The following SLC46A3 variants were observed in gnomAD, a reference collection of about 807,000 sequenced individuals.
The protein encoded by SLC46A3 is solute carrier family 46 member 3, also known as lysosomal proton-coupled steroid conjugate and bile acid symporter SLC46A3.
In SLC46A3, 26 loss-of-function variants were observed where a neutral mutation model predicts 38.5. The ratio of observed to expected loss-of-function variants is 0.68; its 90% CI spans 0.49 to 0.94. SLC46A3 has a LOEUF of 0.94. Ranked by LOEUF, SLC46A3 falls within the 40% of genes least tolerant of loss-of-function variation. The pLI, the probability that SLC46A3 is intolerant of heterozygous loss-of-function variation, is 0.00. For missense variants in SLC46A3, 510 were observed against 544.3 expected (o/e 0.94, Z 0.63); for synonymous variants, 185 against 192.5 (o/e 0.96, Z 0.32).
At chr13:28,708,095 T>A (rs1885228516) in intron 4 of SLC46A3, among the ~76,000 whole-genome samples, 1 of 152,236 alleles carries the variant, frequency 6.6e-6, no homozygotes, top group Non-Finnish European at 1.5e-5. Flanking sequence ...TCATGAACAT[T>A]TGCATAGGTT....
intron 5 of SLC46A3, among the ~76,000 whole-genome samples, chr13:28,702,241 T>G (rs754534544): frequency 2.0e-5 from 3 of 152,086 alleles, no homozygotes; most frequent in Non-Finnish European, 4.4e-5. Context: ...TGCCTCAACC[T>G]CCCAAAGTGC....
intron 5 of SLC46A3, 71 bp from the exon 6 acceptor site, chr13:28,701,652 C>CT: frequency 2.1e-6 from 3 of 1,435,746 alleles, no homozygotes; most frequent in Non-Finnish European, 1.9e-6. Flanking sequence ...TGTTTTCCAA[C>CT]TTTTTTTCCC....
intron 4 of SLC46A3, among the ~76,000 whole-genome samples, chr13:28,710,533 CG>C (rs1885312358): frequency 6.6e-6 from 1 of 152,184 alleles, no homozygotes; most frequent in African/African-American, 2.4e-5. Context: ...CTTCTTAGGG[CG>C]GGGCACGGCC....
At chr13:28,708,815 T>C (rs1885256311) in intron 4 of SLC46A3, among the ~76,000 whole-genome samples, 1 of 152,218 alleles carries the variant, frequency 6.6e-6, no homozygotes, top group Non-Finnish European at 1.5e-5. Flanking sequence ...GGACAAACTT[T>C]GAATGAAGTT....
At chr13:28,716,747 A>ACCTGTC (rs2137843383) in intron 2 of SLC46A3, among the ~76,000 whole-genome samples, 1 of 152,268 alleles carries the variant, frequency 6.6e-6, no homozygotes. Flanking sequence ...TCACCCCAGC[A>ACCTGTC]AGGTTCCACC....
intron 2 of SLC46A3, among the ~76,000 whole-genome samples, chr13:28,716,453 C>G (rs1321788990): frequency 6.6e-6 from 1 of 151,914 alleles, no homozygotes; most frequent in East Asian, 1.9e-4. Flanking sequence ...CTTGTCACCA[C>G]AGGATAATGT....
intron 2 of SLC46A3, among the ~76,000 whole-genome samples, chr13:28,717,002 A>T (rs1885545379): frequency 6.6e-6 from 1 of 151,994 alleles, no homozygotes; most frequent in African/African-American, 2.4e-5. Flanking sequence ...AAAAAAAAAA[A>T]AATTTCCAAA....
intron 2 of SLC46A3, among the ~76,000 whole-genome samples, chr13:28,715,294 T>C (rs1023697616): frequency 2.0e-5 from 3 of 152,160 alleles, no homozygotes; most frequent in Non-Finnish European, 4.4e-5. Context: ...TCGGCAAAAA[T>C]CTTTGACATG....
chr13:28,713,534 A>G lies in SLC46A3; in HGVS notation c.206T>C (p.Val69Ala), dbSNP rs757960508. The G allele has an allele frequency of 5.6e-6, 9 of 1,601,280 alleles. No homozygotes were observed. In the South Asian group the frequency reaches 1.0e-4, roughly 18 times the overall value. ...GTCCATCTGCAGATTAAAACGTGAC[A>G]CTTTTTTCTGAACTTCCTGCAAAGA... ...FAFQEEVQKK[V>A]SRFNLQMDIS... is the part of the protein sequence containing the mutation. Residue 69 changes from valine (V) to alanine (A), a missense_variant, in exon 3 of 6, where the codon GTG (valine) becomes GCG (alanine). Physicochemically the swap from Val to Ala is moderately conservative, Grantham distance 64. Transcript: ENST00000266943.
At chr13:28,716,936 C>T (rs914434037) in intron 2 of SLC46A3, among the ~76,000 whole-genome samples, 5 of 151,936 alleles carry the variant, frequency 3.3e-5, no homozygotes, top group African/African-American at 1.2e-4. Flanking sequence ...ACAAAATATC[C>T]CCCAGAAGAA....
In SLC46A3 at chr13:28,700,808, C is replaced by T; in HGVS notation, c.*689G>A. 1 of 603,648 alleles carries T rather than the reference C, an allele frequency of 1.7e-6. No homozygotes were observed. Among genetic ancestry groups the T allele is most frequent in the South Asian group, 3.0e-5 (1 of 33,478 alleles). The allele number at this position is 603,648 out of a possible 1,614,324, so 37.4% of individuals were successfully genotyped here. Reference sequence around the variant, plus strand: ...ATTATCATGCCTGTCACCGATGAAACATATTAAGAAAAGTGAAAAATACAT... The same window carrying T: ...ATTATCATGCCTGTCACCGATGAAATATATTAAGAAAAGTGAAAAATACAT... On this transcript the variant is annotated 3_prime_UTR_variant, in exon 6 of 6. Coordinates refer to ENST00000266943, the MANE Select transcript of SLC46A3 (RefSeq NM_181785.4).
chr13:28,706,489 C>G (rs1345594363), intron 4 of SLC46A3, among the ~76,000 whole-genome samples: 1 of 151,982 alleles, frequency 6.6e-6, no homozygotes, highest in Non-Finnish European at 1.5e-5. Flanking sequence ...TCACAATTCA[C>G]AGTTACCGTA....
intron 1 of SLC46A3, among the ~76,000 whole-genome samples, 180 bp from the exon 2 acceptor site, chr13:28,718,202 A>C (rs1432163617): frequency 6.6e-6 from 1 of 152,208 alleles, no homozygotes; most frequent in Non-Finnish European, 1.5e-5. Context: ...GTACTCTGTA[A>C]CAACCTGAGG....
Position 28,701,250 on chromosome 13 carries a change from G to T in SLC46A3, c.*247C>A. On this transcript the variant is annotated 3_prime_UTR_variant, in exon 6 of 6. Coordinates refer to ENST00000266943, the MANE Select transcript of SLC46A3 (RefSeq NM_181785.4). ...ATGTTTCTCTTCTAAGTCTAAAAGT[G>T]AGGCGTATTTGAAATTTGTTCTGTG... 7.2e-7 allele frequency: 1 copy of T among 1,391,886 alleles called. No homozygotes were observed. 86.2% of individuals were successfully genotyped at this position (1,391,886 alleles called of 1,614,324 possible). A position where few individuals can be genotyped will look rare whatever the true frequency, so the allele number is the denominator to read the frequency against.
At chr13:28,703,909 C>T in intron 5 of SLC46A3, 34 bp downstream of exon 5, 1 of 1,570,250 alleles carries the variant, frequency 6.4e-7, no homozygotes, top group South Asian at 1.1e-5. Flanking sequence ...AATCCATATA[C>T]CCTCTGATAA....
intron 2 of SLC46A3, among the ~76,000 whole-genome samples, chr13:28,713,958 T>A (rs1448714095): frequency 6.6e-6 from 1 of 152,138 alleles, no homozygotes; most frequent in African/African-American, 2.4e-5. Flanking sequence ...TGAGTACTTG[T>A]GTGTGGAATT....
At chr13:28,716,349 T>C (rs1885526743) in intron 2 of SLC46A3, among the ~76,000 whole-genome samples, 1 of 152,078 alleles carries the variant, frequency 6.6e-6, no homozygotes, top group African/African-American at 2.4e-5. Context: ...ACTTTGAAAC[T>C]AAGAGGATTT....
intron 5 of SLC46A3, among the ~76,000 whole-genome samples, chr13:28,702,315 A>C (rs1885046486): frequency 6.6e-6 from 1 of 152,174 alleles, no homozygotes; most frequent in Non-Finnish European, 1.5e-5. Context: ...ATTTTTCATG[A>C]AATGGCTGTA....
At chr13:28,714,801 G>A (rs1461593566) in intron 2 of SLC46A3, among the ~76,000 whole-genome samples, 2 of 152,116 alleles carry the variant, frequency 1.3e-5, no homozygotes, top group African/African-American at 4.8e-5. Context: ...ATGACCTGAG[G>A]AGTAAGATAA....
Sources: gnomAD v4.1 joint callset for allele counts (sites outside exome capture counted in the v4.1 genomes callset) on GRCh38, gnomAD v4.1.1 for gene constraint, MANE v1.5 for transcripts, NCBI Gene and HGNC (gene_info 2026-07-23, HGNC 2026-07-21) for gene names.